RGS17: variants seen among roughly 807,000 people sequenced by gnomAD.
RGS17 encodes regulator of G-protein signaling 17.
RGS17 carries 12 observed loss-of-function variants against 25.5 expected under a neutral mutation model. That is an observed-to-expected ratio of 0.47 (90% CI 0.30 to 0.76). The LOEUF (loss-of-function observed/expected upper bound fraction) is 0.76, where lower values mean the gene tolerates loss of function less well. Ranked by LOEUF, RGS17 falls within the 30% of genes least tolerant of loss-of-function variation. The pLI, the probability that RGS17 is intolerant of heterozygous loss-of-function variation, is 0.07. For synonymous variants in RGS17, 71 were observed against 76.9 expected (o/e 0.92, Z 0.40); for missense variants, 196 against 242.2 (o/e 0.81, Z 1.27).
chr6:153,050,642 T>TCA (rs1776449640), intron 1 of RGS17, among the ~76,000 whole-genome samples: 1 of 152,200 alleles, frequency 6.6e-6, no homozygotes, highest in Non-Finnish European at 1.5e-5. Context: ...CATTGAGAAA[T>TCA]CACTTTGAAG....
At chr6:153,112,855 T>C (rs561112422) in intron 1 of RGS17, among the ~76,000 whole-genome samples, 22 of 152,272 alleles carry the variant, frequency 1.4e-4, no homozygotes, top group Non-Finnish European at 2.6e-4. Context: ...TGACATCCTT[T>C]ACAGACAAGC....
At chr6:153,013,108 G>A (rs531840831) in intron 4 of RGS17, among the ~76,000 whole-genome samples, 21 of 152,270 alleles carry the variant, frequency 1.4e-4, no homozygotes, top group African/African-American at 5.1e-4. Flanking sequence ...CAAATTGAAG[G>A]CTTGTGGCGA....
intron 4 of RGS17, among the ~76,000 whole-genome samples, chr6:153,020,118 A>ATATATATATATATT (rs1381185163): frequency 5.1e-5 from 4 of 78,830 alleles, no homozygotes; most frequent in African/African-American, 2.3e-4. Flanking sequence ...AAAAATATAT[A>ATATATATATATATT]TATATATATA....
In RGS17 at chr6:153,053,935, GTA is replaced by G. The variant is rs1195640307; in HGVS notation, c.-25-9894_-25-9893del. On this transcript the variant is annotated intron_variant, in intron 1 of 4. Transcript: ENST00000206262. The stretch of plus-strand genomic sequence containing the variant: ...ACATTATATATATATGTATATATAT[GTA>G]TATATAATATATATACATATATATT... Among the ~76,000 whole-genome samples the G allele has an allele frequency of 5.1e-4, 20 of 39,362 alleles. 2 individuals carry two copies. In the East Asian group the frequency reaches 0.023, roughly 45 times the overall value. The allele number at this position is 39,362 out of a possible 152,430, so 25.8% of individuals were successfully genotyped here. A position where few individuals can be genotyped will look rare whatever the true frequency, so the allele number is the denominator to read the frequency against.
At chr6:153,020,640 G>A (rs955298363) in intron 4 of RGS17, among the ~76,000 whole-genome samples, 5 of 151,988 alleles carry the variant, frequency 3.3e-5, no homozygotes, top group African/African-American at 9.7e-5. Context: ...ACACAAATAC[G>A]CAATCAAATT....
chr6:153,068,063 C>T (rs770056373), intron 1 of RGS17, among the ~76,000 whole-genome samples: 1 of 152,104 alleles, frequency 6.6e-6, no homozygotes, highest in Non-Finnish European at 1.5e-5. Flanking sequence ...GAGGAAAAGA[C>T]AGTCTCTTCA....
rs185129089 is a variant in RGS17 at position 153,023,695 on chromosome 6, A to G, written c.444+567T>C. 3.0e-4 allele frequency among the ~76,000 whole-genome samples: 45 copies of G among 152,310 alleles called. No homozygotes were observed. The South Asian group carries it at 4.1e-3, about 14-fold the overall frequency. On this transcript the variant is annotated intron_variant, in intron 4 of 4. Transcript: ENST00000206262. Reference sequence around the variant, plus strand: ...CTAAGAATATTAGTGGTCAAGGATCATTTTTCATTTCTGTAAAGAGTCAAT... The same window carrying G: ...CTAAGAATATTAGTGGTCAAGGATCGTTTTTCATTTCTGTAAAGAGTCAAT...
Position 153,130,452 on chromosome 6 carries a change from A to T in RGS17, c.-26+672T>A, listed in dbSNP as rs1777769904. Among the ~76,000 whole-genome samples, 1 of 149,890 alleles carries T rather than the reference A, an allele frequency of 6.7e-6. No homozygotes were observed. Among genetic ancestry groups the T allele is most frequent in the African/African-American group, 2.5e-5 (1 of 40,320 alleles). On this transcript the variant is annotated intron_variant, in intron 1 of 4. Coordinates refer to ENST00000206262, the MANE Select transcript of RGS17 (RefSeq NM_012419.5). This position sits in a 1 kb window ranked among gnomAD's most constrained non-coding sequence, Gnocchi z 6.4. ...CTAAGGGGAGGGGAAGGAACAAAAG[A>T]GACCCCCCACCCCCTATACATACAT...
chr6:153,018,050 A>G (rs114659868), intron 4 of RGS17, among the ~76,000 whole-genome samples: 1,613 of 152,252 alleles, frequency 0.011, 43 homozygotes, highest in African/African-American at 0.036. Context: ...CACATTGCAA[A>G]TAAGACCAGT....
chr6:153,012,178 C>T (rs1176817158), intron 4 of RGS17, among the ~76,000 whole-genome samples: 3 of 152,088 alleles, frequency 2.0e-5, no homozygotes, highest in Non-Finnish European at 4.4e-5. Flanking sequence ...GAAAAGAGTT[C>T]CCTGGCAAAA....
chr6:153,006,431 A>T lies in RGS17; in HGVS notation c.*5143T>A, dbSNP rs916654460. ...TCCATTTATCATCTATCTATCATCT[A>T]TCTATCAATCATCTATCTATCTATG... On this transcript the variant is annotated 3_prime_UTR_variant, in exon 5 of 5. Coordinates refer to ENST00000206262, the MANE Select transcript of RGS17 (RefSeq NM_012419.5). 6.6e-6 allele frequency: 1 copy of T among 152,524 alleles called. No homozygotes were observed. Among genetic ancestry groups the T allele is most frequent in the Non-Finnish European group, 1.5e-5 (1 of 68,004 alleles). The allele number at this position is 152,524 out of a possible 1,614,324, so 9.4% of individuals were successfully genotyped here. A position where few individuals can be genotyped will look rare whatever the true frequency, so the allele number is the denominator to read the frequency against.
intron 1 of RGS17, among the ~76,000 whole-genome samples, chr6:153,123,529 C>A (rs899985705): frequency 6.6e-6 from 1 of 152,224 alleles, no homozygotes; most frequent in Middle Eastern, 3.4e-3. Context: ...CAGATCGGAG[C>A]AAATCTAACT....
rs1562310350 is a variant in RGS17, at chr6:153,008,989, A to T, written c.*2585T>A. ...ATGCTCACATAGCATGGTTATCAACATCTGATGTGTAAATCTGCTCTCGAA... is the reference window on the plus strand; with the variant it reads ...ATGCTCACATAGCATGGTTATCAACTTCTGATGTGTAAATCTGCTCTCGAA... On this transcript the variant is annotated 3_prime_UTR_variant, in exon 5 of 5. Transcript: ENST00000206262. The T allele has an allele frequency of 6.6e-6, 1 of 152,178 alleles. No individual in the cohort carries two copies. The highest frequency in any genetic ancestry group is 1.5e-5 in the Non-Finnish European group (1 of 67,994). The allele number at this position is 152,178 out of a possible 1,614,324, so 9.4% of individuals were successfully genotyped here.
intron 2 of RGS17, among the ~76,000 whole-genome samples, chr6:153,042,105 T>G (rs1025505547): frequency 6.6e-6 from 1 of 152,222 alleles, no homozygotes. Flanking sequence ...AGTCATTACA[T>G]GGTACTTCAC....
At chr6:153,114,183 A>G (rs1321957739) in intron 1 of RGS17, among the ~76,000 whole-genome samples, 1 of 152,194 alleles carries the variant, frequency 6.6e-6, no homozygotes, top group Non-Finnish European at 1.5e-5. Context: ...ATAGACTGCT[A>G]GCCAGATTAA....
chr6:153,095,482 G>A (rs987595638), intron 1 of RGS17, among the ~76,000 whole-genome samples: 10 of 152,216 alleles, frequency 6.6e-5, no homozygotes, highest in African/African-American at 2.2e-4. Flanking sequence ...AATACCAGGT[G>A]TATTTACTCT....
intron 2 of RGS17, among the ~76,000 whole-genome samples, chr6:153,031,542 A>C (rs1395990305): frequency 6.6e-6 from 1 of 152,212 alleles, no homozygotes; most frequent in East Asian, 1.9e-4. Flanking sequence ...TTACAAGGAA[A>C]CAGTTATTGG....
At chr6:153,122,113 C>A (rs1777641037) in intron 1 of RGS17, among the ~76,000 whole-genome samples, 1 of 152,076 alleles carries the variant, frequency 6.6e-6, no homozygotes, top group Admixed American at 6.5e-5. Context: ...CTGAGCCCAG[C>A]CTTCCTGCTT....
intron 2 of RGS17, among the ~76,000 whole-genome samples, chr6:153,041,377 T>C (rs11969544): frequency 0.011 from 1,674 of 152,242 alleles, 27 homozygotes; most frequent in African/African-American, 0.039. Flanking sequence ...GTACCCAATG[T>C]TTGGGGATCT....
Sources: gnomAD v4.1 joint callset for allele counts (sites outside exome capture counted in the v4.1 genomes callset) on GRCh38, gnomAD v4.1.1 for gene constraint, Gnocchi (gnomAD v3.1) non-coding constraint, MANE v1.5 for transcripts, NCBI Gene and HGNC (gene_info 2026-07-23, HGNC 2026-07-21) for gene names.